ENTHD1: variants seen among roughly 807,000 people sequenced by gnomAD.
ENTHD1 encodes the protein ENTH domain-containing protein 1.
ENTHD1 carries 23 observed loss-of-function variants against 39.1 expected under a neutral mutation model. That is an observed-to-expected ratio of 0.59 (90% CI 0.42 to 0.83). The LOEUF (loss-of-function observed/expected upper bound fraction) is 0.83. Among genes scored for constraint, ENTHD1 ranks in the 40% least tolerant of loss-of-function variants. The pLI, the probability that ENTHD1 is intolerant of heterozygous loss-of-function variation, is 0.00. For synonymous variants in ENTHD1, 230 were observed against 258.2 expected, an observed-to-expected ratio of 0.89 and a Z score of 1.05; for missense variants, 624 against 705.4, an observed-to-expected ratio of 0.88 and a Z score of 1.31.
chr22:39,822,539 C>G (rs975413609), intron 4 of ENTHD1, among the ~76,000 whole-genome samples: 2 of 152,070 alleles, frequency 1.3e-5, no homozygotes, highest in Non-Finnish European at 1.5e-5. Flanking sequence ...TGTGTAGTTC[C>G]TCCCTCCTTT....
chr22:39,878,596 C>T (rs2066310013), intron 2 of ENTHD1, among the ~76,000 whole-genome samples: 2 of 150,910 alleles, frequency 1.3e-5, no homozygotes, highest in Non-Finnish European at 2.9e-5. Flanking sequence ...GAAACCAAAA[C>T]TAAGAAAGTG....
intron 5 of ENTHD1, among the ~76,000 whole-genome samples, chr22:39,811,663 G>A (rs1349080206): frequency 6.6e-6 from 1 of 152,204 alleles, no homozygotes; most frequent in Admixed American, 6.5e-5. Flanking sequence ...GTACGCAGTA[G>A]CATTCCACTG....
chr22:39,829,009 C>T (rs866292572), intron 4 of ENTHD1, among the ~76,000 whole-genome samples: 23 of 152,218 alleles, frequency 1.5e-4, no homozygotes, highest in Admixed American at 1.2e-3. Flanking sequence ...ATATTTTAAG[C>T]GCCCCTCATT....
At chr22:39,815,637 C>G (rs1165733645) in intron 5 of ENTHD1, among the ~76,000 whole-genome samples, 1 of 152,000 alleles carries the variant, frequency 6.6e-6, no homozygotes, top group Non-Finnish European at 1.5e-5. Flanking sequence ...AAATATATGC[C>G]CTAGAGAAAC....
intron 5 of ENTHD1, among the ~76,000 whole-genome samples, chr22:39,787,631 A>G (rs2065470026): frequency 1.3e-5 from 2 of 152,326 alleles, no homozygotes; most frequent in Admixed American, 1.3e-4. Flanking sequence ...CATTCCCTTA[A>G]GCCAAAGCCT....
chr22:39,827,593 C>T (rs1239840517), intron 4 of ENTHD1, among the ~76,000 whole-genome samples: 2 of 151,996 alleles, frequency 1.3e-5, no homozygotes, highest in African/African-American at 4.8e-5. Context: ...TAAAAAGTTA[C>T]AGTAAAAAAT....
rs1415848848 is a variant in ENTHD1 at position 39,847,639 on chromosome 22, G to T, written c.593-11681C>A. Reference sequence around the variant, plus strand: ...ATTCCTGGGCTCAAGAAATCCTTCCGCCTTGATCTCCCAAAGTGCTGAGAG... The same window carrying T: ...ATTCCTGGGCTCAAGAAATCCTTCCTCCTTGATCTCCCAAAGTGCTGAGAG... On this transcript the variant is annotated intron_variant, in intron 3 of 6. Coordinates refer to ENST00000325157, the MANE Select transcript of ENTHD1 (RefSeq NM_152512.4). Among the ~76,000 whole-genome samples the T allele has an allele frequency of 4.0e-5, 6 of 151,430 alleles. No homozygotes were observed. The South Asian group carries it at 8.3e-4, about 21-fold the overall frequency.
Position 39,765,580 on chromosome 22 carries a change from G to A in ENTHD1, c.862C>T (p.Pro288Ser). 2 of 1,612,516 alleles carry A rather than the reference G, an allele frequency of 1.2e-6. No homozygotes were observed. The highest frequency in any genetic ancestry group is 1.7e-6 in the Non-Finnish European group (2 of 1,179,320). The change falls in exon 6 of 7, where the codon CCT becomes TCT. Residue 288 changes from proline (P) to serine (S), a missense_variant. Coordinates refer to ENST00000325157, the MANE Select transcript of ENTHD1 (RefSeq NM_152512.4). Reference sequence around the variant, plus strand: ...AAACTCACATCTCTCTGCCCAGAAGGACTATTTTCTGAGAGAGTAGGCACA... The same window carrying A: ...AAACTCACATCTCTCTGCCCAGAAGAACTATTTTCTGAGAGAGTAGGCACA... ...DAVPTLSENSPSGQRDVSLDK... is the reference protein window; with the variant it reads ...DAVPTLSENSSSGQRDVSLDK...
At chr22:39,776,997 G>T (rs952544634) in intron 5 of ENTHD1, among the ~76,000 whole-genome samples, 1 of 152,158 alleles carries the variant, frequency 6.6e-6, no homozygotes, top group Admixed American at 6.5e-5. Context: ...TCTTGCCCTT[G>T]TTCTGATACA....
chr22:39,815,203 C>T (rs1297330615), intron 5 of ENTHD1, among the ~76,000 whole-genome samples: 3 of 151,910 alleles, frequency 2.0e-5, no homozygotes, highest in Non-Finnish European at 4.4e-5. Flanking sequence ...GCCTGTAATC[C>T]CAGCTGAGGT....
chr22:39,821,687 A>G (rs999616873), intron 4 of ENTHD1, among the ~76,000 whole-genome samples: 3 of 152,328 alleles, frequency 2.0e-5, no homozygotes, highest in African/African-American at 4.8e-5. Flanking sequence ...CATTCCGGTC[A>G]CTATAACAAA....
At chr22:39,769,461 G>C (rs2065305011) in intron 5 of ENTHD1, among the ~76,000 whole-genome samples, 1 of 152,142 alleles carries the variant, frequency 6.6e-6, no homozygotes, top group Non-Finnish European at 1.5e-5. Context: ...TGAGAAGGTG[G>C]AATATTTTTT....
At chr22:39,830,456 A>G (rs2065860400) in intron 4 of ENTHD1, among the ~76,000 whole-genome samples, 1 of 152,162 alleles carries the variant, frequency 6.6e-6, no homozygotes, top group African/African-American at 2.4e-5. Flanking sequence ...TACCTTTCTA[A>G]GCTGTTAGAA....
At chr22:39,820,939 T>C (rs559566853) in intron 5 of ENTHD1, 54 bp downstream of exon 5, 1 of 1,605,354 alleles carries the variant, frequency 6.2e-7, no homozygotes, top group South Asian at 1.1e-5. Context: ...ACGGTTGCTG[T>C]ACTTCACAAA....
intron 2 of ENTHD1, among the ~76,000 whole-genome samples, chr22:39,884,186 T>C (rs971095185): frequency 4.6e-5 from 7 of 151,210 alleles, no homozygotes; most frequent in African/African-American, 1.7e-4. Flanking sequence ...GCCATCTTCT[T>C]TTTTTTTTCT....
chr22:39,824,262 T>A (rs1289395624), intron 4 of ENTHD1, among the ~76,000 whole-genome samples: 1 of 126,982 alleles, frequency 7.9e-6, no homozygotes, highest in Middle Eastern at 6.0e-3. Flanking sequence ...CAGGCTGGAG[T>A]GCAACGGCAC....
intron 5 of ENTHD1, among the ~76,000 whole-genome samples, chr22:39,807,160 G>A (rs2065648710): frequency 6.6e-6 from 1 of 152,104 alleles, no homozygotes; most frequent in African/African-American, 2.4e-5. Flanking sequence ...ACCCCTGATT[G>A]CTTCCCTAAC....
intron 4 of ENTHD1, among the ~76,000 whole-genome samples, chr22:39,821,702 C>T (rs1482762363): frequency 6.6e-6 from 1 of 152,118 alleles, no homozygotes; most frequent in African/African-American, 2.4e-5. Flanking sequence ...AACAAAATAC[C>T]ATCAACTGAG....
intron 5 of ENTHD1, among the ~76,000 whole-genome samples, chr22:39,784,730 G>A (rs1332142892): frequency 6.6e-6 from 1 of 152,082 alleles, no homozygotes; most frequent in African/African-American, 2.4e-5. Context: ...CTAAAAAAGT[G>A]GATCTCATGA....
Sources: gnomAD v4.1 joint callset for allele counts (sites outside exome capture counted in the v4.1 genomes callset) on GRCh38, gnomAD v4.1.1 for gene constraint, MANE v1.5 for transcripts, NCBI Gene and HGNC (gene_info 2026-07-23, HGNC 2026-07-21) for gene names.